Variants in CFAP47 observed in about 807,000 individuals in gnomAD.
The protein encoded by CFAP47 is cilia and flagella associated protein 47.
A neutral mutation model predicts 148.1 loss-of-function variants in CFAP47; 29 were observed. The ratio of observed to expected loss-of-function variants is 0.20; its 90% CI spans 0.15 to 0.27. CFAP47 has a LOEUF of 0.27. Ranked by LOEUF, CFAP47 falls within the 10% of genes least tolerant of loss-of-function variation. CFAP47 has a pLI of 1.00. For missense variants in CFAP47, 1,872 were observed against 1,697.5 expected (o/e 1.10, Z -1.81); for synonymous variants, 664 against 577.3 (o/e 1.15, Z -2.15).
intron 48 of CFAP47, 123 bp from the exon 49 acceptor site, chrX:36,251,210 G>T: frequency 3.5e-6 from 1 of 283,691 alleles, no homozygotes; most frequent in Admixed American, 6.2e-5. Flanking sequence ...ATTTTATTGG[G>T]GGTATTTAAA....
intron 44 of CFAP47, among the ~76,000 whole-genome samples, chrX:36,204,506 C>G (rs1257849443): frequency 9.0e-6 from 1 of 110,616 alleles, no homozygotes; most frequent in Non-Finnish European, 1.9e-5. Flanking sequence ...TGCAGCACAC[C>G]TACATGGCAC....
intron 33 of CFAP47, among the ~76,000 whole-genome samples, chrX:36,119,656 G>A (rs72628195): frequency 0.12 from 13,594 of 110,999 alleles, 824 homozygotes; most frequent in East Asian, 0.28. Context: ...TTAAGTGTTT[G>A]GTAGAATACA....
At chrX:36,003,975 T>C (rs1019870535) in intron 21 of CFAP47, among the ~76,000 whole-genome samples, 3 of 94,334 alleles carry the variant, frequency 3.2e-5, no homozygotes, top group Admixed American at 1.1e-4. Context: ...TTCTTTTTTT[T>C]TTTTTTTTTT....
At chrX:36,061,559 G>T (rs952327724) in intron 26 of CFAP47, among the ~76,000 whole-genome samples, 3 of 112,058 alleles carry the variant, frequency 2.7e-5, no homozygotes, top group Admixed American at 1.9e-4. Flanking sequence ...AATAGCTATA[G>T]CAAGTGTTAG....
chrX:36,360,941 T>G (rs1026787648), intron 60 of CFAP47, among the ~76,000 whole-genome samples: 7 of 112,123 alleles, frequency 6.2e-5, no homozygotes, highest in African/African-American at 2.3e-4. Flanking sequence ...TTTAAATGAC[T>G]TCTTCATAAG....
intron 39 of CFAP47, among the ~76,000 whole-genome samples, chrX:36,168,060 T>C: frequency 9.0e-6 from 1 of 111,252 alleles, no homozygotes; most frequent in Admixed American, 9.6e-5. Context: ...ATGGTATTCC[T>C]TTTTAAATCT....
intron 13 of CFAP47, among the ~76,000 whole-genome samples, chrX:35,973,584 A>G (rs760639618): frequency 9.2e-6 from 1 of 108,654 alleles, no homozygotes; most frequent in Admixed American, 9.6e-5. Flanking sequence ...TATGCCTGCA[A>G]CTTGGATTCT....
At chrX:36,148,901 A>ATGTGTGTGTATGTGTGTG (rs1939270893) in intron 36 of CFAP47, among the ~76,000 whole-genome samples, 1 of 92,263 alleles carries the variant, frequency 1.1e-5, no homozygotes, top group African/African-American at 4.1e-5. Context: ...AACTGTATGT[A>ATGTGTGTGTATGTGTGTG]TGTGTGTGTG....
chrX:36,233,796 T>G lies in CFAP47; in HGVS notation c.7015-2138T>G, dbSNP rs1268054211. ...TTTAGCGCTTCCTTCAGGAGCTCTT[T>G]TAGGGCAGGCCTGGTGGTGACAAAA... On this transcript the variant is annotated intron_variant, in intron 46 of 63. Transcript: ENST00000378653. 7.3e-3 allele frequency among the ~76,000 whole-genome samples: 808 copies of G among 110,874 alleles called. 5 individuals are homozygous for G. The highest frequency in any genetic ancestry group is 0.015 in the Admixed American group (160 of 10,416).
At chrX:36,234,750 C>G (rs1477379597) in intron 46 of CFAP47, among the ~76,000 whole-genome samples, 1 of 111,252 alleles carries the variant, frequency 9.0e-6, no homozygotes, top group Non-Finnish European at 1.9e-5. Flanking sequence ...GTGGTTTTAT[C>G]TACTTTTGGC....
intron 29 of CFAP47, among the ~76,000 whole-genome samples, chrX:36,078,129 G>A (rs1483548071): frequency 2.7e-5 from 3 of 112,030 alleles, no homozygotes; most frequent in South Asian, 7.4e-4. Context: ...CCAACTATGT[G>A]GTCAATTTTG....
chrX:36,366,499 A>G lies in CFAP47; in HGVS notation c.9024-467A>G, dbSNP rs142263677. Among the ~76,000 whole-genome samples, 973 of 111,941 alleles carry G rather than the reference A, an allele frequency of 8.7e-3. 13 individuals are homozygous for G. The highest frequency in any genetic ancestry group is 0.03 in the African/African-American group (919 of 31,009). ...AATTGTATGGGCTTTGCATGTTTTC[A>G]CAGAAAATGTATTTTTTCTTTGTGA... On this transcript the variant is annotated intron_variant, in intron 61 of 63. Transcript: ENST00000378653.
chrX:36,331,416 C>A (rs1941564572), intron 57 of CFAP47, among the ~76,000 whole-genome samples: 1 of 111,057 alleles, frequency 9.0e-6, no homozygotes. Context: ...CTGGTGGATA[C>A]CATCTATACA....
chrX:36,375,173 A>C, intron 62 of CFAP47: 1 of 303,804 alleles, frequency 3.3e-6, no homozygotes, highest in Admixed American at 3.7e-5. Context: ...CAGGACATTC[A>C]TGAGCACCAT....
At chrX:36,178,250 A>G (rs1939709738) in intron 39 of CFAP47, among the ~76,000 whole-genome samples, 1 of 111,195 alleles carries the variant, frequency 9.0e-6, no homozygotes, top group African/African-American at 3.3e-5. Flanking sequence ...TATCTGGGTA[A>G]TGAGATCAAT....
intron 49 of CFAP47, among the ~76,000 whole-genome samples, chrX:36,274,369 A>C (rs1226400116): frequency 9.0e-6 from 1 of 111,292 alleles, no homozygotes; most frequent in African/African-American, 3.3e-5. Flanking sequence ...CATTTAGGAC[A>C]CTCCTTGACT....
intron 45 of CFAP47, among the ~76,000 whole-genome samples, chrX:36,216,274 T>C (rs1034350558): frequency 8.9e-6 from 1 of 112,246 alleles, no homozygotes; most frequent in Non-Finnish European, 1.9e-5. Flanking sequence ...ACATTGTCAG[T>C]AGCATTAAAT....
intron 63 of CFAP47, among the ~76,000 whole-genome samples, chrX:36,380,865 C>T (rs901808363): frequency 9.8e-5 from 11 of 112,175 alleles, no homozygotes; most frequent in African/African-American, 3.2e-4. Flanking sequence ...ATACAGTAGA[C>T]AGTTCTGCAA....
At chrX:36,340,440 G>A (rs1556015556) in intron 57 of CFAP47, among the ~76,000 whole-genome samples, 2 of 111,847 alleles carry the variant, frequency 1.8e-5, no homozygotes, top group African/African-American at 6.5e-5. Flanking sequence ...CTTTCTCACA[G>A]TTCTAGAGGC....
Sources: gnomAD v4.1 joint callset for allele counts (sites outside exome capture counted in the v4.1 genomes callset) on GRCh38, gnomAD v4.1.1 for gene constraint, MANE v1.5 for transcripts, NCBI Gene and HGNC (gene_info 2026-07-23, HGNC 2026-07-21) for gene names.